The following SLC9A4 variants were observed in gnomAD, a reference collection of about 807,000 sequenced individuals.
SLC9A4 encodes solute carrier family 9 member A4.
Under a neutral mutation model 67.4 loss-of-function variants are expected in SLC9A4, and 63 were observed. That is an observed-to-expected ratio of 0.93 (90% CI 0.76 to 1.15). The LOEUF is 1.15. Among genes scored for constraint, SLC9A4 ranks in the 50% most tolerant of loss-of-function variants. The pLI is 0.00. For synonymous variants in SLC9A4, 393 were observed against 367.2 expected (o/e 1.07, Z -0.80); for missense variants, 1,089 against 987.7 (o/e 1.10, Z -1.38).
intron 1 of SLC9A4, among the ~76,000 whole-genome samples, chr2:102,474,258 A>G (rs1434067758): frequency 6.6e-6 from 1 of 152,110 alleles, no homozygotes; most frequent in Non-Finnish European, 1.5e-5. Context: ...GTTTCTTCTC[A>G]TTTCAGGGTG....
chr2:102,532,897 A>G lies in SLC9A4; in HGVS notation c.*209A>G. The G allele has an allele frequency of 4.0e-6, 2 of 496,852 alleles. No homozygotes were observed. The highest frequency in any genetic ancestry group is 7.1e-6 in the Non-Finnish European group (2 of 280,858). 30.8% of individuals were successfully genotyped at this position (496,852 alleles called of 1,614,324 possible). On this transcript the variant is annotated 3_prime_UTR_variant, in exon 12 of 12. Transcript: ENST00000295269. Reference sequence around the variant, plus strand: ...CATGTACTTATTGTGGGGTACCTTTAGATGAATTCCCTGTGAGTGAGAGAA... The same window carrying G: ...CATGTACTTATTGTGGGGTACCTTTGGATGAATTCCCTGTGAGTGAGAGAA...
intron 1 of SLC9A4, among the ~76,000 whole-genome samples, chr2:102,474,912 A>T (rs1279859862): frequency 6.6e-6 from 1 of 152,132 alleles, no homozygotes; most frequent in Non-Finnish European, 1.5e-5. Context: ...TTATATGTGT[A>T]TGTTTTCTCT....
chr2:102,517,267 T>A (rs1425345150), intron 8 of SLC9A4, among the ~76,000 whole-genome samples: 1 of 152,210 alleles, frequency 6.6e-6, no homozygotes, highest in Non-Finnish European at 1.5e-5. Flanking sequence ...CTTCTTGTCT[T>A]CTGAGCCCAC....
At chr2:102,481,926 G>A (rs1358920298) in intron 2 of SLC9A4, among the ~76,000 whole-genome samples, 1 of 151,706 alleles carries the variant, frequency 6.6e-6, no homozygotes, top group African/African-American at 2.4e-5. Flanking sequence ...TGCAACAATA[G>A]TACAGAGAGG....
rs1684268570 is a variant in SLC9A4, at chr2:102,473,716, G to A, written c.-44G>A. The A allele has an allele frequency of 6.2e-7, 1 of 1,603,194 alleles. No individual in the cohort carries two copies. Among genetic ancestry groups the A allele is most frequent in the South Asian group, 1.1e-5 (1 of 90,226 alleles). Reference sequence around the variant, plus strand: ...GAAGCCTCCCCGACTTCAGATGTGTGGCACACATCCACACAGGGGTGTAGG... The same window carrying A: ...GAAGCCTCCCCGACTTCAGATGTGTAGCACACATCCACACAGGGGTGTAGG... On this transcript the variant is annotated 5_prime_UTR_variant, in exon 1 of 12. Transcript: ENST00000295269.
At chr2:102,492,644 G>T (rs997284703) in intron 2 of SLC9A4, among the ~76,000 whole-genome samples, 1 of 152,130 alleles carries the variant, frequency 6.6e-6, no homozygotes, top group Non-Finnish European at 1.5e-5. Context: ...TCCCTCCTAG[G>T]CCTCCAGCCA....
intron 2 of SLC9A4, among the ~76,000 whole-genome samples, chr2:102,480,336 A>C (rs1423087125): frequency 2.6e-5 from 4 of 151,732 alleles, no homozygotes; most frequent in African/African-American, 9.7e-5. Flanking sequence ...TATTGCTTAG[A>C]TATAACAAGT....
intron 4 of SLC9A4, among the ~76,000 whole-genome samples, chr2:102,506,803 C>T (rs1403736956): frequency 6.6e-6 from 1 of 152,088 alleles, no homozygotes; most frequent in African/African-American, 2.4e-5. Flanking sequence ...ATTGCAGGAA[C>T]CTCAACATTG....
Position 102,473,987 on chromosome 2 carries a change from G to T in SLC9A4, c.228G>T (p.Trp76Cys), listed in dbSNP as rs1684276066. The T allele has an allele frequency of 6.2e-7, 1 of 1,613,948 alleles. No individual in the cohort carries two copies. The highest frequency in any genetic ancestry group is 1.7e-5 in the Admixed American group (1 of 60,016). Residue 76 changes from tryptophan to cysteine, a missense_variant, in exon 1 of 12, where the codon TGG (tryptophan) becomes TGT (cysteine). By Grantham distance (215) the Trp-to-Cys change is radical (BLOSUM62 -2). Transcript: ENST00000295269. ...AAATTCCTTATGAGGTCACTCTCTG[G>T]ATACTTCTAGCATCCCTTGCAAAAA... ...YVQIPYEVTL[W>C]ILLASLAKIG...
In SLC9A4 at chr2:102,505,414, TG is replaced by T. The variant is rs762161678; in HGVS notation, c.1143del (p.Trp381Ter). 6.2e-7 allele frequency: 1 copy of T among 1,614,152 alleles called. No homozygotes were observed. The highest frequency in any genetic ancestry group is 1.3e-5 in the African/African-American group (1 of 75,024). On this transcript the variant is annotated frameshift_variant, in exon 4 of 12. Transcript: ENST00000295269. LOFTEE classifies it high-confidence loss of function. ...GTCCACTGTGGGCAAGAATCACGAG[TG>T]GAACTGGGCCTTCATCTGCTTCACC... ...GVSTVGKNHE[W>X]NWAFICFTLA...
In SLC9A4 at chr2:102,533,046, A is replaced by G. The variant is rs1674811830; in HGVS notation, c.*358A>G. 1 of 193,380 alleles carries G rather than the reference A, an allele frequency of 5.2e-6. No homozygotes were observed. Among genetic ancestry groups the G allele is most frequent in the Admixed American group, 5.3e-5 (1 of 18,902 alleles). The allele number at this position is 193,380 out of a possible 1,614,324, so 12.0% of individuals were successfully genotyped here. On this transcript the variant is annotated 3_prime_UTR_variant, in exon 12 of 12. Transcript: ENST00000295269. ...AGTAATTCACATTGCCGATATGCAT[A>G]TGCAACTTATAATCAAATAGAACTA...
At position 102,479,054 on chromosome 2, in the gene SLC9A4, A is replaced by G. The variant is rs1305173169; in HGVS notation, c.472A>G (p.Ile158Val). 3.1e-6 allele frequency: 5 copies of G among 1,613,958 alleles called. No individual in the cohort carries two copies. Among genetic ancestry groups the G allele is most frequent in the Non-Finnish European group, 4.2e-6 (5 of 1,180,020 alleles). ...TRPFFENIGS[I>V]LWWAVLGALI... ...GCCCTTCTTTGAGAACATCGGCTCC[A>G]TCCTGTGGTGGGCAGTATTGGGGGC... is the stretch of plus-strand genomic sequence containing the variant. Residue 158 changes from isoleucine to valine, a missense_variant, in exon 2 of 12, where the codon ATC becomes GTC. Coordinates refer to ENST00000295269, the MANE Select transcript of SLC9A4 (RefSeq NM_001011552.4).
chr2:102,484,856 C>T (rs143418438), intron 2 of SLC9A4, among the ~76,000 whole-genome samples: 270 of 152,294 alleles, frequency 1.8e-3, no homozygotes, highest in Non-Finnish European at 3.2e-3. Flanking sequence ...TTGACTGCCA[C>T]CCGGTACTTC....
intron 2 of SLC9A4, among the ~76,000 whole-genome samples, chr2:102,496,498 A>G (rs1306551343): frequency 6.6e-6 from 1 of 152,214 alleles, no homozygotes; most frequent in Non-Finnish European, 1.5e-5. Context: ...GGAGGGATAT[A>G]CCTAGTTTTT....
At chr2:102,486,508 A>G (rs757936851) in intron 2 of SLC9A4, among the ~76,000 whole-genome samples, 1 of 152,154 alleles carries the variant, frequency 6.6e-6, no homozygotes, top group Non-Finnish European at 1.5e-5. Flanking sequence ...TTGAGGGGAG[A>G]GTAGGCATCT....
intron 11 of SLC9A4, among the ~76,000 whole-genome samples, chr2:102,530,216 G>A (rs557997465): frequency 6.6e-6 from 1 of 152,272 alleles, no homozygotes; most frequent in Admixed American, 6.5e-5. Context: ...GTGTGTTGGG[G>A]CCCGCCCTGC....
At chr2:102,531,975 T>A (rs1674786505) in intron 11 of SLC9A4, among the ~76,000 whole-genome samples, 1 of 152,240 alleles carries the variant, frequency 6.6e-6, no homozygotes, top group African/African-American at 2.4e-5. Context: ...AACCTGTGTG[T>A]AGCATTGGCT....
intron 2 of SLC9A4, among the ~76,000 whole-genome samples, chr2:102,481,685 A>G (rs1453104084): frequency 6.6e-6 from 1 of 152,064 alleles, no homozygotes; most frequent in Non-Finnish European, 1.5e-5. Flanking sequence ...ATTTTCTTCC[A>G]TTCTATTATT....
intron 2 of SLC9A4, among the ~76,000 whole-genome samples, chr2:102,499,535 T>TGTGTGTCTGTTGC (rs1684879520): frequency 6.6e-6 from 1 of 152,188 alleles, no homozygotes; most frequent in South Asian, 2.1e-4. Flanking sequence ...TGTGTGTGTC[T>TGTGTGTCTGTTGC]GTGTGTCTGT....
Sources: allele counts gnomAD v4.1 joint callset (sites outside exome capture counted in the v4.1 genomes callset), GRCh38; gene constraint gnomAD v4.1.1; transcripts MANE v1.5; gene names NCBI Gene and HGNC (gene_info 2026-07-23, HGNC 2026-07-21).